Variants in GRIA1 observed in about 807,000 individuals in gnomAD.
GRIA1 encodes the protein glutamate ionotropic receptor AMPA type subunit 1.
GRIA1 carries 31 observed loss-of-function variants against 99.2 expected under a neutral mutation model. The observed-to-expected ratio is 0.31, with a 90% confidence interval of 0.23 to 0.42. GRIA1 has a LOEUF of 0.42. Ranked by LOEUF, GRIA1 falls within the 10% of genes least tolerant of loss-of-function variation. The probability of loss-of-function intolerance (pLI) is 1.00; values close to 1 mark genes in which losing one functional copy is unlikely to be tolerated. For synonymous variants in GRIA1, 438 were observed against 432.4 expected (o/e 1.01, Z -0.16); for missense variants, 782 against 1,157.5 (o/e 0.68, Z 4.71).
At chr5:153,491,105 G>A (rs1753872279) in intron 1 of GRIA1, 135 bp downstream of exon 1, 35 of 1,041,220 alleles carry the variant, frequency 3.4e-5, no homozygotes, top group Middle Eastern at 3.1e-4. Flanking sequence ...GGTAACAGAA[G>A]GGAGACTTGG....
chr5:153,736,916 T>C (rs1197108046), intron 11 of GRIA1, among the ~76,000 whole-genome samples: 1 of 152,194 alleles, frequency 6.6e-6, no homozygotes, highest in East Asian at 1.9e-4. Flanking sequence ...CTCTTGACCA[T>C]GCTTCAAACT....
chr5:153,742,220 A>G (rs759379269), intron 11 of GRIA1, among the ~76,000 whole-genome samples: 1 of 152,212 alleles, frequency 6.6e-6, no homozygotes, highest in Admixed American at 6.5e-5. Flanking sequence ...GAATGTCTAA[A>G]GGCACATATG....
At chr5:153,655,205 G>A (rs959775965) in intron 4 of GRIA1, among the ~76,000 whole-genome samples, 6 of 152,138 alleles carry the variant, frequency 3.9e-5, no homozygotes, top group African/African-American at 1.2e-4. Flanking sequence ...TTCCCTTCCA[G>A]CTTCTAAGTT....
At chr5:153,684,647 T>C (rs1757219326) in intron 7 of GRIA1, among the ~76,000 whole-genome samples, 1 of 152,166 alleles carries the variant, frequency 6.6e-6, no homozygotes, top group South Asian at 2.1e-4. Flanking sequence ...ACTAACACTA[T>C]CTTGAACTGG....
chr5:153,674,737 T>G, intron 6 of GRIA1, 76 bp downstream of exon 6: 1 of 1,441,040 alleles, frequency 6.9e-7, no homozygotes, highest in Non-Finnish European at 9.5e-7. Context: ...GCTGCATTAG[T>G]CTTTACAAAG....
intron 4 of GRIA1, among the ~76,000 whole-genome samples, chr5:153,651,292 C>G (rs1050154783): frequency 1.3e-5 from 2 of 152,092 alleles, no homozygotes; most frequent in African/African-American, 2.4e-5. Context: ...TCCATTGTTT[C>G]CCTGAACATG....
intron 2 of GRIA1, among the ~76,000 whole-genome samples, chr5:153,583,373 G>A (rs1483890159): frequency 1.3e-5 from 2 of 152,090 alleles, no homozygotes; most frequent in African/African-American, 4.8e-5. Context: ...GTGTTGCTAG[G>A]GCTGTGCTCT....
At chr5:153,654,719 CAGTT>C (rs1266881074) in intron 4 of GRIA1, among the ~76,000 whole-genome samples, 1 of 152,074 alleles carries the variant, frequency 6.6e-6, no homozygotes, top group East Asian at 1.9e-4. Flanking sequence ...AAAATTTATT[CAGTT>C]AGAGAAGAAG....
chr5:153,732,882 T>G (rs920433440), intron 11 of GRIA1, among the ~76,000 whole-genome samples: 27 of 151,874 alleles, frequency 1.8e-4, no homozygotes, highest in African/African-American at 6.5e-4. Context: ...AAATCTGTCT[T>G]CAGCTGATTT....
At chr5:153,796,043 A>G (rs1328610694) in intron 14 of GRIA1, among the ~76,000 whole-genome samples, 1 of 142,108 alleles carries the variant, frequency 7.0e-6, no homozygotes, top group Non-Finnish European at 1.5e-5. Flanking sequence ...CAAGTCAGAC[A>G]TCAAGCAGCT....
chr5:153,648,367 A>T (rs1754309559), intron 3 of GRIA1, among the ~76,000 whole-genome samples: 1 of 152,118 alleles, frequency 6.6e-6, no homozygotes, highest in Non-Finnish European at 1.5e-5. Flanking sequence ...AGCCAGAAAA[A>T]TGTACCTTTG....
intron 3 of GRIA1, 68 bp downstream of exon 3, chr5:153,647,235 T>G: frequency 6.5e-7 from 1 of 1,539,442 alleles, no homozygotes; most frequent in South Asian, 1.2e-5. Flanking sequence ...GAAAGGAGAA[T>G]GATGCCTCAC....
chr5:153,591,410 C>G (rs1251275511), intron 2 of GRIA1, among the ~76,000 whole-genome samples: 1 of 152,166 alleles, frequency 6.6e-6, no homozygotes, highest in Non-Finnish European at 1.5e-5. Context: ...GAGTATCGCA[C>G]GAAAACCCTG....
chr5:153,810,919 G>A, intron 15 of GRIA1, 106 bp from the exon 16 acceptor site: 1 of 791,552 alleles, frequency 1.3e-6, no homozygotes, highest in Middle Eastern at 3.2e-4. Context: ...AAAGGGGGTG[G>A]ATGGGAAAGC....
intron 11 of GRIA1, among the ~76,000 whole-genome samples, chr5:153,762,020 G>A (rs1763218404): frequency 6.6e-6 from 1 of 152,190 alleles, no homozygotes; most frequent in Admixed American, 6.5e-5. Flanking sequence ...GGGGAAGTGA[G>A]GGGGAGGGGT....
intron 7 of GRIA1, among the ~76,000 whole-genome samples, chr5:153,679,947 A>G (rs1182446881): frequency 2.6e-5 from 4 of 152,240 alleles, no homozygotes; most frequent in Non-Finnish European, 4.4e-5. Context: ...ACATTTACAC[A>G]TATTATATCA....
intron 11 of GRIA1, among the ~76,000 whole-genome samples, chr5:153,720,882 A>G (rs1217832844): frequency 6.6e-6 from 1 of 152,220 alleles, no homozygotes; most frequent in Non-Finnish European, 1.5e-5. Flanking sequence ...CTTTCCTTTT[A>G]TGATGTGTAT....
chr5:153,785,358 G>A (rs1257836276), intron 13 of GRIA1, among the ~76,000 whole-genome samples: 2 of 152,076 alleles, frequency 1.3e-5, no homozygotes, highest in Non-Finnish European at 2.9e-5. Context: ...GTTCCTCGAA[G>A]GCCCTTCCCC....
At chr5:153,622,371 G>A (rs1581349358) in intron 2 of GRIA1, among the ~76,000 whole-genome samples, 1 of 152,176 alleles carries the variant, frequency 6.6e-6, no homozygotes, top group African/African-American at 2.4e-5. Context: ...TTAGAGCAAA[G>A]GTTGGGCTAG....
Sources: allele counts gnomAD v4.1 joint callset (sites outside exome capture counted in the v4.1 genomes callset), GRCh38; gene constraint gnomAD v4.1.1; transcripts MANE v1.5; gene names NCBI Gene and HGNC (gene_info 2026-07-23, HGNC 2026-07-21).